Variants in ZDHHC11B observed in about 807,000 individuals in gnomAD.
The protein encoded by ZDHHC11B is zDHHC palmitoyltransferase 11B (putative).
In ZDHHC11B, 17 loss-of-function variants were observed where a neutral mutation model predicts 42.3. The observed-to-expected ratio is 0.40, with a 90% CI of 0.27 to 0.60. The LOEUF (loss-of-function observed/expected upper bound fraction) is 0.60. ZDHHC11B is among the 20% of genes least tolerant of loss of function. The probability of loss-of-function intolerance (pLI) is 0.41; values close to 1 mark genes in which losing one functional copy is unlikely to be tolerated. For missense variants in ZDHHC11B, 262 were observed against 463.2 expected (o/e 0.57, Z 3.99); for synonymous variants, 123 against 193.5 (o/e 0.64, Z 3.02).
At chr5:769,451 TTA>T (rs1735783174) in intron 1 of ZDHHC11B, among the ~76,000 whole-genome samples, 2 of 149,798 alleles carry the variant, frequency 1.3e-5, no homozygotes, top group Non-Finnish European at 3.0e-5. Context: ...AAGCTGAAGA[TTA>T]TATAGATCAG....
At chr5:771,889 G>A (rs1473102736) in intron 1 of ZDHHC11B, among the ~76,000 whole-genome samples, 32 of 146,972 alleles carry the variant, frequency 2.2e-4, no homozygotes, top group African/African-American at 7.1e-4. Flanking sequence ...CCTGCACCCC[G>A]TGGGGCCCGC....
intron 4 of ZDHHC11B, among the ~76,000 whole-genome samples, chr5:762,016 AACTCACAGCCCTGGAGAGCC>A (rs1220342593): frequency 3.4e-5 from 5 of 145,922 alleles, no homozygotes; most frequent in Non-Finnish European, 6.0e-5. Flanking sequence ...AGGGCCACTC[AACTCACAGCCCTGGAGAGCC>A]ACTCACAGCC....
rs527645004 is a variant in ZDHHC11B, at chr5:760,178, C to T, written c.223-4034G>A. On this transcript the variant is annotated intron_variant, in intron 4 of 13. Coordinates refer to ENST00000508859, the MANE Select transcript of ZDHHC11B (RefSeq NM_001351303.2). ...GAAGAGTGGAGAGAAGGGATTCTAA[C>T]AGCACATAAGGAAACAGCCAGGTGT... Among the ~76,000 whole-genome samples, 17 of 151,922 alleles carry T rather than the reference C, an allele frequency of 1.1e-4. 1 individual carries two copies. Among genetic ancestry groups the T allele is most frequent in the African/African-American group, 3.4e-4 (14 of 41,450 alleles).
chr5:770,941 G>A (rs1475661541), intron 1 of ZDHHC11B, among the ~76,000 whole-genome samples: 2 of 151,894 alleles, frequency 1.3e-5, no homozygotes, highest in East Asian at 1.9e-4. Flanking sequence ...CAGGGCTGCC[G>A]AGGCCACCTC....
chr5:777,123 C>G (rs1158445670), intron 1 of ZDHHC11B, among the ~76,000 whole-genome samples: 1 of 151,886 alleles, frequency 6.6e-6, no homozygotes, highest in African/African-American at 2.4e-5. Flanking sequence ...AGATGGCGAC[C>G]CTGGAGTTTC....
At chr5:772,797 C>T in intron 1 of ZDHHC11B, among the ~76,000 whole-genome samples, 1 of 151,774 alleles carries the variant, frequency 6.6e-6, no homozygotes, top group Non-Finnish European at 1.5e-5. Flanking sequence ...CTTCCAAAGC[C>T]CGCCTCTGCG....
intron 1 of ZDHHC11B, among the ~76,000 whole-genome samples, chr5:775,435 T>A (rs1337045400): frequency 3.3e-5 from 5 of 150,086 alleles, no homozygotes; most frequent in Non-Finnish European, 5.9e-5. Context: ...GGAGAAAGAC[T>A]CTGTGATGGC....
intron 12 of ZDHHC11B, among the ~76,000 whole-genome samples, chr5:729,374 T>C (rs1327868890): frequency 1.3e-5 from 2 of 151,152 alleles, no homozygotes; most frequent in Admixed American, 6.6e-5. Flanking sequence ...GCAGCTGCTG[T>C]GTGCCCAGAG....
Position 783,569 on chromosome 5 carries a change from A to G in ZDHHC11B, c.-230+1099T>C, listed in dbSNP as rs1269727391. ...ACGCAGAAGAGCCAATAAACATGCC[A>G]GGTGGATCAGCGGTGACACTGAGAG... On this transcript the variant is annotated intron_variant, in intron 1 of 13. Coordinates refer to ENST00000508859, the MANE Select transcript of ZDHHC11B (RefSeq NM_001351303.2). Among the ~76,000 whole-genome samples the G allele has an allele frequency of 5.9e-5, 9 of 152,236 alleles. No individual in the cohort carries two copies. In the South Asian group the frequency reaches 1.7e-3, roughly 28 times the overall value.
intron 11 of ZDHHC11B, chr5:732,781 G>A (rs1376015600): frequency 3.2e-6 from 1 of 310,562 alleles, no homozygotes; most frequent in African/African-American, 2.2e-5. Flanking sequence ...TCTAATCCCT[G>A]TGCTATTAGA....
chr5:753,262 A>C (rs1579360233), intron 6 of ZDHHC11B, among the ~76,000 whole-genome samples: 1 of 127,692 alleles, frequency 7.8e-6, no homozygotes, highest in Non-Finnish European at 1.8e-5. Flanking sequence ...CAGCTCCTCA[A>C]CTTTCCTCAT....
At chr5:765,830 C>G (rs1735238689) in intron 4 of ZDHHC11B, among the ~76,000 whole-genome samples, 3 of 151,918 alleles carry the variant, frequency 2.0e-5, no homozygotes, top group Non-Finnish European at 4.4e-5. Flanking sequence ...CCTTTAAGAA[C>G]TGTAACACTC....
chr5:773,726 A>G (rs1579454148), intron 1 of ZDHHC11B, among the ~76,000 whole-genome samples: 1 of 151,792 alleles, frequency 6.6e-6, no homozygotes, highest in East Asian at 1.9e-4. Flanking sequence ...CGGGAGCCCA[A>G]GTGGGGCCTG....
At chr5:753,817 A>AC (rs70955299) in intron 6 of ZDHHC11B, among the ~76,000 whole-genome samples, 30,353 of 143,614 alleles carry the variant, frequency 0.21, 4,057 homozygotes, top group Middle Eastern at 0.33. Flanking sequence ...CAGGGCAGGG[A>AC]CCCCCCGGTG....
intron 11 of ZDHHC11B, chr5:732,656 G>A (rs908958191): frequency 3.8e-5 from 17 of 451,500 alleles, no homozygotes; most frequent in African/African-American, 3.2e-4. Flanking sequence ...GAAGTGCGGT[G>A]AGGCGGCCCT....
chr5:729,839 C>A (rs1184076140), intron 12 of ZDHHC11B, among the ~76,000 whole-genome samples: 1 of 151,786 alleles, frequency 6.6e-6, no homozygotes, highest in African/African-American at 2.4e-5. Context: ...TCCTATTACT[C>A]TATGTTCTGT....
chr5:770,987 G>C (rs1735981805), intron 1 of ZDHHC11B, among the ~76,000 whole-genome samples: 1 of 151,872 alleles, frequency 6.6e-6, no homozygotes, highest in Admixed American at 6.6e-5. Context: ...ACCCAGTCAG[G>C]CCCTGAAGGA....
At position 750,037 on chromosome 5, in the gene ZDHHC11B, G is replaced by A. The variant is rs563039659; in HGVS notation, c.628+1096C>T. 8.2e-4 allele frequency among the ~76,000 whole-genome samples: 90 copies of A among 109,216 alleles called. 4 individuals carry two copies. Among genetic ancestry groups the A allele is most frequent in the African/African-American group, 2.7e-3 (85 of 31,150 alleles). The allele number at this position is 109,216 out of a possible 152,430, so 71.6% of individuals were successfully genotyped here. On this transcript the variant is annotated intron_variant, in intron 7 of 13. Coordinates refer to ENST00000508859, the MANE Select transcript of ZDHHC11B (RefSeq NM_001351303.2). The stretch of plus-strand genomic sequence containing the variant: ...TCATCCTTGAAAAAAATGTCACACC[G>A]TGTTGGCTCCGGAATGTTCTGGAAC...
rs1477393366 is a variant in ZDHHC11B at position 755,976 on chromosome 5, T to C, written c.391A>G (p.Lys131Glu). 2 of 1,084,550 alleles carry C rather than the reference T, an allele frequency of 1.8e-6. No homozygotes were observed. Among genetic ancestry groups the C allele is most frequent in the East Asian group, 5.3e-5 (2 of 37,482 alleles). The allele number at this position is 1,084,550 out of a possible 1,614,324, so 67.2% of individuals were successfully genotyped here. Residue 131 changes from lysine to glutamate, a missense_variant, in exon 5 of 14, where the codon AAG becomes GAG. Transcript: ENST00000508859. ...AGGGCGGGCACTCACACGGTGACCTTGCACAGGTGGCAGAACTGATTCTGG... is the reference window on the plus strand; with the variant it reads ...AGGGCGGGCACTCACACGGTGACCTCGCACAGGTGGCAGAACTGATTCTGG... The part of the protein sequence containing the change: ...VIQNQFCHLC[K>E]VTVNKKTKHC...
Sources: allele counts gnomAD v4.1 joint callset (sites outside exome capture counted in the v4.1 genomes callset), GRCh38; gene constraint gnomAD v4.1.1; transcripts MANE v1.5; gene names NCBI Gene and HGNC (gene_info 2026-07-23, HGNC 2026-07-21).